Variants in FAM167A observed in about 807,000 individuals in gnomAD.
FAM167A encodes family with sequence similarity 167 member A.
FAM167A carries 23 observed loss-of-function variants against 14.9 expected under a neutral mutation model. The ratio of observed to expected loss-of-function variants is 1.55; its 90% CI spans 1.11 to 2.19. The LOEUF (loss-of-function observed/expected upper bound fraction) is 2.19, where lower values mean the gene tolerates loss of function less well. Among genes scored for constraint, FAM167A ranks in the 30% most tolerant of loss-of-function variants. The pLI is 0.00. For synonymous variants in FAM167A, 174 were observed against 117.7 expected, an observed-to-expected ratio of 1.48 and a Z score of -3.10; for missense variants, 401 against 281.5, an observed-to-expected ratio of 1.42 and a Z score of -3.04.
intron 1 of FAM167A, among the ~76,000 whole-genome samples, chr8:11,458,504 C>G (rs1368973763): frequency 6.6e-6 from 1 of 152,166 alleles, no homozygotes; most frequent in Non-Finnish European, 1.5e-5. Flanking sequence ...AGTCACAGCA[C>G]CTGCCCATCA....
intron 1 of FAM167A, among the ~76,000 whole-genome samples, chr8:11,456,080 T>TCA (rs1807268148): frequency 7.2e-6 from 1 of 138,806 alleles, no homozygotes; most frequent in Non-Finnish European, 1.5e-5. Flanking sequence ...AGTGTGAGTG[T>TCA]GGGAGGTGGT....
rs1805275001 is a variant in FAM167A, at chr8:11,427,660, TC to T, written c.382-3025del. On this transcript the variant is annotated intron_variant, in intron 2 of 2. Coordinates refer to ENST00000284486, the MANE Select transcript of FAM167A (RefSeq NM_053279.3). ...AGCGAGCATCTCAATGTTCTTTTTT[TC>T]CTCTCTCGTTTTTTATGCACTTGTA... Among the ~76,000 whole-genome samples, 3 of 152,330 alleles carry T rather than the reference TC, an allele frequency of 2.0e-5. No homozygotes were observed. In the East Asian group the frequency reaches 5.8e-4, roughly 29 times the overall value.
At chr8:11,438,542 A>G (rs763704299) in intron 2 of FAM167A, 26 of 456,528 alleles carry the variant, frequency 5.7e-5, no homozygotes, top group Non-Finnish European at 2.6e-5. Flanking sequence ...TCTTTCAATA[A>G]TGTCTTTCCC....
Position 11,424,263 on chromosome 8 carries a change from G to C in FAM167A, c.*110C>G. The C allele has an allele frequency of 6.8e-7, 1 of 1,475,560 alleles. No individual in the cohort carries two copies. The highest frequency in any genetic ancestry group is 1.4e-5 in the African/African-American group (1 of 71,698). 91.4% of individuals were successfully genotyped at this position (1,475,560 alleles called of 1,614,324 possible). ...TGGGGCCCTTGAGTCGCCAGTCCCA[G>C]GGACCCCTGCCTCCGGGAGACCCAC... is the stretch of plus-strand genomic sequence containing the variant. On this transcript the variant is annotated 3_prime_UTR_variant, in exon 3 of 3. Transcript: ENST00000284486.
At chr8:11,454,327 C>G (rs934721592) in intron 1 of FAM167A, among the ~76,000 whole-genome samples, 1 of 152,224 alleles carries the variant, frequency 6.6e-6, no homozygotes, top group African/African-American at 2.4e-5. Flanking sequence ...AGACTCGTGG[C>G]TTCACTCAAG....
intron 1 of FAM167A, among the ~76,000 whole-genome samples, chr8:11,457,036 G>A (rs1258932806): frequency 5.5e-5 from 7 of 128,178 alleles, no homozygotes; most frequent in Non-Finnish European, 8.3e-5. Context: ...GGGTATGGGC[G>A]GGGCTGGGTT....
At chr8:11,437,361 T>C (rs937235895) in intron 2 of FAM167A, among the ~76,000 whole-genome samples, 3 of 152,132 alleles carry the variant, frequency 2.0e-5, no homozygotes, top group African/African-American at 4.8e-5. Flanking sequence ...TACCCAACCA[T>C]CCCAGGGGCC....
At chr8:11,434,517 C>T (rs1805858884) in intron 2 of FAM167A, among the ~76,000 whole-genome samples, 1 of 152,128 alleles carries the variant, frequency 6.6e-6, no homozygotes, top group Non-Finnish European at 1.5e-5. Flanking sequence ...AGACGACAGC[C>T]CCAGAGCCAG....
chr8:11,470,368 G>C (rs540985281), upstream of FAM167A, among the ~76,000 whole-genome samples: 1,158 of 152,272 alleles, frequency 7.6e-3, 12 homozygotes, highest in African/African-American at 0.027. Context: ...CAACAAACGT[G>C]CCTGCCACAA....
upstream of FAM167A, among the ~76,000 whole-genome samples, chr8:11,471,046 C>T (rs1015729659): frequency 2.6e-5 from 4 of 152,134 alleles, no homozygotes; most frequent in East Asian, 1.9e-4. Context: ...GTGTGGCGCA[C>T]GTGGCTTTTT....
rs1806657207 is a variant in FAM167A at position 11,444,474 on chromosome 8, G to A, written c.-63C>T. The A allele has an allele frequency of 9.3e-6, 14 of 1,502,320 alleles. No individual in the cohort carries two copies. The highest frequency in any genetic ancestry group is 6.6e-5 in the South Asian group (5 of 75,194). 93.1% of individuals were successfully genotyped at this position (1,502,320 alleles called of 1,614,324 possible). A position where few individuals can be genotyped will look rare whatever the true frequency, so the allele number is the denominator to read the frequency against. On this transcript the variant is annotated 5_prime_UTR_variant, in exon 2 of 3. Transcript: ENST00000284486. ...CGGGGGGCGCAGGGGGAGGCTTGGT[G>A]GGTGGCACAGTTGGGTCCCGCTCTG... is the stretch of plus-strand genomic sequence containing the variant.
At chr8:11,437,066 C>T (rs4310165) in intron 2 of FAM167A, among the ~76,000 whole-genome samples, 2,447 of 152,320 alleles carry the variant, frequency 0.016, 74 homozygotes, top group African/African-American at 0.055. Flanking sequence ...TCACTTCATA[C>T]TCCATTACTC....
At chr8:11,452,427 C>G (rs1807063987) in intron 1 of FAM167A, among the ~76,000 whole-genome samples, 1 of 152,226 alleles carries the variant, frequency 6.6e-6, no homozygotes, top group African/African-American at 2.4e-5. Flanking sequence ...GAGCTGTGCT[C>G]TTTTGGGAGT....
At chr8:11,454,001 G>A (rs1259781661) in intron 1 of FAM167A, among the ~76,000 whole-genome samples, 1 of 152,200 alleles carries the variant, frequency 6.6e-6, no homozygotes, top group African/African-American at 2.4e-5. Flanking sequence ...GGCAGGACTA[G>A]CTATCACGCG....
chr8:11,446,725 A>G (rs1377710356), intron 1 of FAM167A: 1 of 152,214 alleles, frequency 6.6e-6, no homozygotes, highest in Non-Finnish European at 1.5e-5. Flanking sequence ...AAGTCCGCAA[A>G]TGCGAAATGT....
upstream of FAM167A, among the ~76,000 whole-genome samples, chr8:11,470,727 G>A (rs7818035): frequency 0.026 from 3,925 of 152,222 alleles, 102 homozygotes; most frequent in African/African-American, 0.062. Context: ...ACTAAGGGTG[G>A]CGACATCCCT....
rs766056567 is a variant in FAM167A, at chr8:11,424,481, G to A, written c.537C>T (p.Asp179=). The change falls in exon 3 of 3, where the codon GAC becomes GAT. Residue 179 remains aspartate (D), a synonymous_variant. Coordinates refer to ENST00000284486, the MANE Select transcript of FAM167A (RefSeq NM_053279.3). ...AGGCAAGAGGGGAGTCACAGAAGAG[G>A]TCGGCCAGCTCATCCCGCTCCTCCA... ...YELEERDELA[D]LFCDSPLASS... 2.5e-6 allele frequency: 4 copies of A among 1,614,156 alleles called. No individual in the cohort carries two copies. The highest frequency in any genetic ancestry group is 3.4e-6 in the Non-Finnish European group (4 of 1,180,004).
intron 2 of FAM167A, among the ~76,000 whole-genome samples, chr8:11,431,059 A>G (rs963264022): frequency 2.0e-5 from 3 of 152,238 alleles, no homozygotes; most frequent in Admixed American, 2.0e-4. Context: ...CACTCCAGGT[A>G]CACACCCCAA....
upstream of FAM167A, among the ~76,000 whole-genome samples, chr8:11,472,428 GTTTTTT>G (rs1807988202): frequency 8.0e-6 from 1 of 125,402 alleles, no homozygotes; most frequent in Non-Finnish European, 1.7e-5. Context: ...TTTGTTTTTT[GTTTTTT>G]GGGTTTTTTT....
Sources: allele counts gnomAD v4.1 joint callset (sites outside exome capture counted in the v4.1 genomes callset), GRCh38; gene constraint gnomAD v4.1.1; transcripts MANE v1.5; gene names NCBI Gene and HGNC (gene_info 2026-07-23, HGNC 2026-07-21).